RADIL: variants seen among roughly 807,000 people sequenced by gnomAD.
The protein encoded by RADIL is Rap associating with DIL domain, also known as ras-associating and dilute domain-containing protein.
Under a neutral mutation model 97.6 loss-of-function variants are expected in RADIL, and 99 were observed. That is an observed-to-expected ratio of 1.01 (90% CI 0.86 to 1.20). RADIL has a LOEUF of 1.20. RADIL is among the 50% of genes most tolerant of loss of function. The pLI is 0.00. For missense variants in RADIL, 1,765 were observed against 1,498.9 expected, an observed-to-expected ratio of 1.18 and a Z score of -2.93; for synonymous variants, 803 against 691.8, an observed-to-expected ratio of 1.16 and a Z score of -2.52.
At position 4,816,446 on chromosome 7, in the gene RADIL, G is replaced by A. The variant is rs771224463; in HGVS notation, c.1748C>T (p.Pro583Leu). 26 of 1,606,924 alleles carry A rather than the reference G, an allele frequency of 1.6e-5. No individual in the cohort carries two copies. The highest frequency in any genetic ancestry group is 1.5e-4 in the African/African-American group (11 of 74,818). The change falls in exon 8 of 15, where the codon CCG becomes CTG. Residue 583 changes from proline to leucine, a missense_variant. Physicochemically the swap from Pro to Leu is moderately conservative, Grantham distance 98. Transcript: ENST00000399583. ...YVSKSLYICL[P>L]ALLECPPFQT... ...GAATGGCGGGCACTCCAGGAGTGCC[G>A]GGAGGCAGATGTACAGGGACTGGCG...
intron 2 of RADIL, among the ~76,000 whole-genome samples, chr7:4,853,514 G>A (rs1032657350): frequency 2.6e-5 from 4 of 152,040 alleles, no homozygotes; most frequent in Non-Finnish European, 2.9e-5. Flanking sequence ...AGGCCAGGGC[G>A]GGCAGATGAC....
chr7:4,803,040 G>A (rs1303089022), intron 11 of RADIL, among the ~76,000 whole-genome samples: 1 of 68,250 alleles, frequency 1.5e-5, no homozygotes, highest in East Asian at 3.6e-4. Flanking sequence ...TGGCTGGGGG[G>A]CCCCCTCCCC....
At position 4,879,646 on chromosome 7, in the gene RADIL, A is replaced by G. The variant is rs4724137; in HGVS notation, c.-64-1443T>C. 0.33 allele frequency among the ~76,000 whole-genome samples: 50,763 copies of G among 152,022 alleles called. 8,729 individuals carry two copies. Among genetic ancestry groups the G allele is most frequent in the South Asian group, 0.42 (2,022 of 4,812 alleles). ...ACTGTCCAGGCTTGACTCACTCGTC[A>G]CGCTGCGGGCGCTGCAAAAGGCTTC... On this transcript the variant is annotated intron_variant, in intron 1 of 14. Transcript: ENST00000399583. This position sits in a 1 kb window ranked among gnomAD's most constrained non-coding sequence, Gnocchi z 4.1.
chr7:4,882,947 C>T (rs1047187999), intron 1 of RADIL, among the ~76,000 whole-genome samples: 2 of 152,184 alleles, frequency 1.3e-5, no homozygotes, highest in African/African-American at 4.8e-5. Context: ...CAGGGCCCTG[C>T]CAACCCCACC....
chr7:4,822,673 T>G lies in RADIL; in HGVS notation c.1455-119A>C, dbSNP rs1583282473. The stretch of plus-strand genomic sequence containing the variant: ...GGGACGCTGACAACAACTGCAACCA[T>G]CAACCTGACACTGCTGGGCGGGGAC... On this transcript the variant is annotated intron_variant, in intron 5 of 14. Coordinates refer to ENST00000399583, the MANE Select transcript of RADIL (RefSeq NM_018059.5). The surrounding 1 kb of genome is among the most constrained non-coding windows in gnomAD (Gnocchi z 5.3). The G allele has an allele frequency of 8.6e-7, 1 of 1,168,648 alleles. No individual in the cohort carries two copies. The highest frequency in any genetic ancestry group is 2.4e-5 in the East Asian group (1 of 41,098). 72.4% of individuals were successfully genotyped at this position (1,168,648 alleles called of 1,614,324 possible). A position where few individuals can be genotyped will look rare whatever the true frequency, so the allele number is the denominator to read the frequency against.
intron 2 of RADIL, among the ~76,000 whole-genome samples, chr7:4,874,162 C>T (rs1203628968): frequency 6.6e-6 from 1 of 152,248 alleles, no homozygotes; most frequent in East Asian, 1.9e-4. Flanking sequence ...GTGCAGGTGT[C>T]TCACGCAGGG....
At chr7:4,861,766 C>A (rs1784009044) in intron 2 of RADIL, 1 of 1,484,492 alleles carries the variant, frequency 6.7e-7, no homozygotes, top group Admixed American at 2.5e-5. Context: ...TCGGCGGCGG[C>A]GCCGGCTGCG....
At position 4,800,326 on chromosome 7, in the gene RADIL, G is replaced by C; in HGVS notation, c.2843-16C>G. 7.0e-7 allele frequency: 1 copy of C among 1,434,156 alleles called. No homozygotes were observed. 88.8% of individuals were successfully genotyped at this position (1,434,156 alleles called of 1,614,324 possible). On this transcript the variant is annotated splice_polypyrimidine_tract_variant and intron_variant, in intron 12 of 14. Transcript: ENST00000399583. ...GCAGAGTCTCCTGGGTGGGGGCCAGGAAAGGTGGGTGGGAGTGAGGCGCCA... is the reference window on the plus strand; with the variant it reads ...GCAGAGTCTCCTGGGTGGGGGCCAGCAAAGGTGGGTGGGAGTGAGGCGCCA...
chr7:4,799,280 A>G lies in RADIL; in HGVS notation c.*98T>C. 3 of 1,218,848 alleles carry G rather than the reference A, an allele frequency of 2.5e-6. No individual in the cohort carries two copies. Among genetic ancestry groups the G allele is most frequent in the South Asian group, 2.6e-5 (2 of 77,038 alleles). 75.5% of individuals were successfully genotyped at this position (1,218,848 alleles called of 1,614,324 possible). A position where few individuals can be genotyped will look rare whatever the true frequency, so the allele number is the denominator to read the frequency against. ...GGTGAGGCTCCCCACCCGGGACCCA[A>G]CTTGGTCAGTTACAAAACAGGGACG... On this transcript the variant is annotated 3_prime_UTR_variant, in exon 15 of 15. Coordinates refer to ENST00000399583, the MANE Select transcript of RADIL (RefSeq NM_018059.5).
At chr7:4,868,343 T>G (rs1490536888) in intron 2 of RADIL, among the ~76,000 whole-genome samples, 1 of 152,234 alleles carries the variant, frequency 6.6e-6, no homozygotes, top group Non-Finnish European at 1.5e-5. Context: ...ATTACAGGTG[T>G]GAGCCACCTT....
At chr7:4,812,750 C>G (rs149845054) in intron 9 of RADIL, among the ~76,000 whole-genome samples, 1 of 152,286 alleles carries the variant, frequency 6.6e-6, no homozygotes, top group East Asian at 1.9e-4. Context: ...AGAACCCACT[C>G]CTGGCTTTAT....
At chr7:4,881,346 C>A (rs1325669756) in intron 1 of RADIL, among the ~76,000 whole-genome samples, 1 of 145,242 alleles carries the variant, frequency 6.9e-6, no homozygotes, top group Non-Finnish European at 1.5e-5. Flanking sequence ...ACCCGGGAGG[C>A]GGAGCTTGCA....
intron 2 of RADIL, among the ~76,000 whole-genome samples, chr7:4,838,696 C>T (rs1041153396): frequency 2.0e-5 from 3 of 152,204 alleles, no homozygotes; most frequent in African/African-American, 4.8e-5. Context: ...AGGCTGCCAG[C>T]CTCCAACGAG....
chr7:4,809,366 C>T lies in RADIL; in HGVS notation c.2140-3650G>A, dbSNP rs1214420881. The T allele has an allele frequency of 6.1e-6, 6 of 985,370 alleles. No individual in the cohort carries two copies. In the East Asian group the frequency reaches 6.8e-4, roughly 112 times the overall value. The allele number at this position is 985,370 out of a possible 1,614,324, so 61.0% of individuals were successfully genotyped here. A position where few individuals can be genotyped will look rare whatever the true frequency, so the allele number is the denominator to read the frequency against. On this transcript the variant is annotated intron_variant, in intron 9 of 14. Transcript: ENST00000399583. Reference sequence around the variant, plus strand: ...TTTCAACGTTCTAGAAATATCCCCGCCCGGCTGAGCGGGGGGAGGCGGAGA... The same window carrying T: ...TTTCAACGTTCTAGAAATATCCCCGTCCGGCTGAGCGGGGGGAGGCGGAGA...
Position 4,818,521 on chromosome 7 carries a change from G to A in RADIL, c.1616-1170C>T, listed in dbSNP as rs1477767215. ...AGGGTCACATCTGGGAACCAGGCAG[G>A]GCAGCTGGAGGGACCCCGGGGTCCG... On this transcript the variant is annotated intron_variant, in intron 6 of 14. Coordinates refer to ENST00000399583, the MANE Select transcript of RADIL (RefSeq NM_018059.5). The surrounding 1 kb of genome is among the most constrained non-coding windows in gnomAD (Gnocchi z 7.1). Among the ~76,000 whole-genome samples the A allele has an allele frequency of 6.6e-6, 1 of 152,196 alleles. No homozygotes were observed. Among genetic ancestry groups the A allele is most frequent in the African/African-American group, 2.4e-5 (1 of 41,464 alleles).
intron 2 of RADIL, among the ~76,000 whole-genome samples, chr7:4,856,263 C>G (rs944595895): frequency 9.2e-5 from 14 of 152,052 alleles, no homozygotes; most frequent in Admixed American, 7.2e-4. Flanking sequence ...GTACATGCCA[C>G]CACACCCAGC....
rs1474991285 is a variant in RADIL, at chr7:4,801,707, G to C, written c.2788C>G (p.Leu930Val). 6.2e-7 allele frequency: 1 copy of C among 1,610,006 alleles called. No homozygotes were observed. The highest frequency in any genetic ancestry group is 2.2e-5 in the East Asian group (1 of 44,810). ...PESGGPCGKA[L>V]PERQRNGLSG... ...AGTCCGTTCCTCTGCCTCTCTGGGA[G>C]CGCTTTTCCACAGGGGCCGCCGGAC... Residue 930 changes from leucine to valine, a missense_variant, in exon 12 of 15, where the codon CTC becomes GTC. Transcript: ENST00000399583.
intron 2 of RADIL, among the ~76,000 whole-genome samples, chr7:4,876,365 AT>A (rs1784376429): frequency 6.6e-6 from 1 of 151,708 alleles, no homozygotes; most frequent in South Asian, 2.1e-4. Flanking sequence ...CAATGGCATG[AT>A]CTCGGCTCAC....
At position 4,836,440 on chromosome 7, in the gene RADIL, T is replaced by G; in HGVS notation, c.701A>C (p.Glu234Ala). 2 of 1,596,688 alleles carry G rather than the reference T, an allele frequency of 1.3e-6. No individual in the cohort carries two copies. Among genetic ancestry groups the G allele is most frequent in the Non-Finnish European group, 1.7e-6 (2 of 1,171,794 alleles). ...CCGCATGGCGTCGGGGCCGGGCTCCTCGGGGCCCTGGGCGGCAGCGGGCAG... is the reference window on the plus strand; with the variant it reads ...CCGCATGGCGTCGGGGCCGGGCTCCGCGGGGCCCTGGGCGGCAGCGGGCAG... ...NALPAAAQGPEEPGPDAMRYS... is the reference protein window; with the variant it reads ...NALPAAAQGPAEPGPDAMRYS... Residue 234 changes from glutamate (E) to alanine (A), a missense_variant, in exon 3 of 15, where the codon GAG (glutamate) becomes GCG (alanine). Glu to Ala is a moderately radical substitution (Grantham distance 107). Transcript: ENST00000399583.
Sources: allele counts gnomAD v4.1 joint callset (sites outside exome capture counted in the v4.1 genomes callset), GRCh38; gene constraint gnomAD v4.1.1; non-coding constraint Gnocchi (gnomAD v3.1); transcripts MANE v1.5; gene names NCBI Gene and HGNC (gene_info 2026-07-23, HGNC 2026-07-21).